CSNK1G2: variants seen among roughly 807,000 people sequenced by gnomAD.
The protein encoded by CSNK1G2 is casein kinase I isoform gamma-2.
A neutral mutation model predicts 48.0 loss-of-function variants in CSNK1G2; 11 were observed. The observed-to-expected ratio is 0.23, with a 90% CI of 0.14 to 0.38. The LOEUF is 0.38. Ranked by LOEUF, CSNK1G2 falls within the 10% of genes least tolerant of loss-of-function variation. The pLI is 1.00. For synonymous variants in CSNK1G2, 337 were observed against 254.1 expected (o/e 1.33, Z -3.10); for missense variants, 446 against 595.5 (o/e 0.75, Z 2.61).
chr19:1,965,805 T>TA (rs1196287389), intron 1 of CSNK1G2, among the ~76,000 whole-genome samples: 1 of 151,560 alleles, frequency 6.6e-6, no homozygotes, highest in Non-Finnish European at 1.5e-5. Context: ...GGCCAAGTCT[T>TA]AGTGTTTTTG....
chr19:1,965,183 C>G (rs1028027308), intron 1 of CSNK1G2, among the ~76,000 whole-genome samples: 2 of 149,938 alleles, frequency 1.3e-5, no homozygotes, highest in Non-Finnish European at 3.0e-5. Context: ...ATCACGAGGT[C>G]AGGAGATCGA....
chr19:1,954,941 G>A (rs770877211), intron 1 of CSNK1G2, among the ~76,000 whole-genome samples: 12 of 152,106 alleles, frequency 7.9e-5, no homozygotes, highest in East Asian at 1.9e-4. Flanking sequence ...GTTGCTTTTC[G>A]CTGTGGCCCT....
chr19:1,951,629 C>T (rs993858099), intron 1 of CSNK1G2, among the ~76,000 whole-genome samples: 1 of 144,486 alleles, frequency 6.9e-6, no homozygotes, highest in African/African-American at 2.7e-5. Context: ...TCAGGATGTG[C>T]AGGCTGGGCG....
chr19:1,964,331 G>C (rs576444881), intron 1 of CSNK1G2, among the ~76,000 whole-genome samples: 98 of 151,830 alleles, frequency 6.5e-4, no homozygotes, highest in African/African-American at 2.2e-3. Flanking sequence ...AAGGTGAAAA[G>C]GATTAAGTGT....
chr19:1,952,163 A>G (rs551851896), intron 1 of CSNK1G2, among the ~76,000 whole-genome samples: 14 of 152,324 alleles, frequency 9.2e-5, no homozygotes, highest in African/African-American at 3.4e-4. Context: ...TGGTCACTGC[A>G]GGACAGCAAG....
At chr19:1,975,337 G>A (rs760034560) in intron 2 of CSNK1G2, 33 of 985,390 alleles carry the variant, frequency 3.3e-5, no homozygotes, top group Middle Eastern at 5.2e-4. Context: ...CTGGGGGAGC[G>A]CAGCTCAGTG....
In CSNK1G2 at chr19:1,980,271, C is replaced by T; in HGVS notation, c.*68C>T. 1 of 1,581,438 alleles carries T rather than the reference C, an allele frequency of 6.3e-7. No homozygotes were observed. ...CTTGGGGCGCGACCTTGTGCGAGGC[C>T]CTCGGGGCCCACCCACAGCGGCCCA... is the stretch of plus-strand genomic sequence containing the variant. On this transcript the variant is annotated 3_prime_UTR_variant, in exon 12 of 12. Coordinates refer to ENST00000255641, the MANE Select transcript of CSNK1G2 (RefSeq NM_001319.7).
chr19:1,951,747 C>A lies in CSNK1G2; in HGVS notation c.-266+10329C>A, dbSNP rs566580612. On this transcript the variant is annotated intron_variant, in intron 1 of 11. Transcript: ENST00000255641. ...CCAGGCTGGAGTGCAGTGGTGTGATCTCCGTTCACTGCACGCTCCGCCTCC... is the reference window on the plus strand; with the variant it reads ...CCAGGCTGGAGTGCAGTGGTGTGATATCCGTTCACTGCACGCTCCGCCTCC... Among the ~76,000 whole-genome samples the A allele has an allele frequency of 4.8e-5, 7 of 144,994 alleles. 1 individual carries two copies. The East Asian group carries it at 1.5e-3, about 32-fold the overall frequency.
rs2015979314 is a variant in CSNK1G2 at position 1,981,167 on chromosome 19, G to A, written c.*964G>A. 6.6e-6 allele frequency: 1 copy of A among 152,320 alleles called. No homozygotes were observed. The highest frequency in any genetic ancestry group is 6.5e-5 in the Admixed American group (1 of 15,292). The allele number at this position is 152,320 out of a possible 1,614,324, so 9.4% of individuals were successfully genotyped here. On this transcript the variant is annotated 3_prime_UTR_variant, in exon 12 of 12. Coordinates refer to ENST00000255641, the MANE Select transcript of CSNK1G2 (RefSeq NM_001319.7). ...GGCGGTTCCCCAGTGGGGTGCCCTG[G>A]AGGCTGCCGGGCAGAGTGGAGCAGC...
At chr19:1,974,419 C>G (rs965093068) in intron 2 of CSNK1G2, among the ~76,000 whole-genome samples, 1 of 152,190 alleles carries the variant, frequency 6.6e-6, no homozygotes, top group Non-Finnish European at 1.5e-5. Context: ...CTCAGATCCT[C>G]TCTCTAGGCC....
chr19:1,945,422 C>T lies in CSNK1G2; in HGVS notation c.-266+4004C>T, dbSNP rs140799740. Among the ~76,000 whole-genome samples, 258 of 152,350 alleles carry T rather than the reference C, an allele frequency of 1.7e-3. 1 individual carries two copies. The highest frequency in any genetic ancestry group is 2.6e-3 in the Non-Finnish European group (174 of 68,024). On this transcript the variant is annotated intron_variant, in intron 1 of 11. Transcript: ENST00000255641. ...GGAATCGGGGCAGCCCCCTGCCAGCCCTGCCCAGGGATCCCTCCTGTCACC... is the reference window on the plus strand; with the variant it reads ...GGAATCGGGGCAGCCCCCTGCCAGCTCTGCCCAGGGATCCCTCCTGTCACC...
intron 1 of CSNK1G2, among the ~76,000 whole-genome samples, chr19:1,959,952 C>T (rs1356267302): frequency 2.0e-5 from 3 of 152,252 alleles, no homozygotes; most frequent in African/African-American, 7.2e-5. Flanking sequence ...CCCACAACCC[C>T]GTTTGGGTTC....
rs751538407 is a variant in CSNK1G2 at position 1,979,147 on chromosome 19, G to T, written c.683-16G>T. The T allele has an allele frequency of 6.5e-6, 10 of 1,535,008 alleles. No individual in the cohort carries two copies. In the East Asian group the frequency reaches 2.4e-4, roughly 36 times the overall value. On this transcript the variant is annotated splice_polypyrimidine_tract_variant and intron_variant, in intron 6 of 11. Transcript: ENST00000255641. ...GGCGCCCGGACCCCGCTGAGGCTGC[G>T]CCCCTGTCCCCGCAGAGCAGAGCCG...
intron 1 of CSNK1G2, among the ~76,000 whole-genome samples, chr19:1,963,671 C>T (rs193045930): frequency 1.2e-3 from 179 of 151,842 alleles, no homozygotes; most frequent in Non-Finnish European, 2.1e-3. Context: ...CCACACCTAG[C>T]TAATTTTTGT....
In CSNK1G2 at chr19:1,951,714, T is replaced by G. The variant is rs181359382; in HGVS notation, c.-266+10296T>G. Among the ~76,000 whole-genome samples, 171 of 144,404 alleles carry G rather than the reference T, an allele frequency of 1.2e-3. 22 individuals are homozygous for G. The highest frequency in any genetic ancestry group is 4.4e-3 in the African/African-American group (166 of 37,388). 94.7% of individuals were successfully genotyped at this position (144,404 alleles called of 152,430 possible). On this transcript the variant is annotated intron_variant, in intron 1 of 11. Coordinates refer to ENST00000255641, the MANE Select transcript of CSNK1G2 (RefSeq NM_001319.7). ...TTTTTTTTTGGAGACAGAGTCTCAC[T>G]GTGTCGCCCAGGCTGGAGTGCAGTG... is the stretch of plus-strand genomic sequence containing the variant.
At position 1,978,450 on chromosome 19, in the gene CSNK1G2, C is replaced by G; in HGVS notation, c.237C>G (p.Ile79Met). Reference sequence around the variant, plus strand: ...CGCTCTTGTGCCCCCAGGAGCCGATCAAGTCCCGGGCCCCGCAGCTGCACC... The same window carrying G: ...CGCTCTTGTGCCCCCAGGAGCCGATGAAGTCCCGGGCCCCGCAGCTGCACC... ...NEYVAIKLEP[I>M]KSRAPQLHLE... Residue 79 changes from isoleucine (I) to methionine (M), a missense_variant, in exon 4 of 12, where the codon ATC (isoleucine) becomes ATG (methionine). By Grantham distance (10) the Ile-to-Met change is conservative. This residue lies in a region of CSNK1G2 where 258 missense variants were observed against 415.9 expected (regional missense o/e 0.62). Transcript: ENST00000255641. The surrounding 1 kb of genome is among the most constrained non-coding windows in gnomAD (Gnocchi z 7.3). The G allele has an allele frequency of 6.2e-7, 1 of 1,609,440 alleles. No individual in the cohort carries two copies. The highest frequency in any genetic ancestry group is 1.1e-5 in the South Asian group (1 of 90,746).
chr19:1,976,758 A>G (rs1251303745), intron 2 of CSNK1G2, among the ~76,000 whole-genome samples: 1 of 141,006 alleles, frequency 7.1e-6, no homozygotes, highest in Non-Finnish European at 1.5e-5. Context: ...TTTTTTTTTG[A>G]GACAGAGTTT....
At chr19:1,945,955 G>T (rs915588123) in intron 1 of CSNK1G2, among the ~76,000 whole-genome samples, 1 of 152,222 alleles carries the variant, frequency 6.6e-6, no homozygotes, top group Non-Finnish European at 1.5e-5. Flanking sequence ...GTGCCAAGTG[G>T]GGCAGGCAGC....
chr19:1,962,727 G>A (rs79089886), intron 1 of CSNK1G2, among the ~76,000 whole-genome samples: 3,682 of 152,052 alleles, frequency 0.024, 149 homozygotes, highest in African/African-American at 0.085. Flanking sequence ...CCCCGGGAGC[G>A]GCAGGTGGAG....
Sources: allele counts gnomAD v4.1 joint callset (sites outside exome capture counted in the v4.1 genomes callset), GRCh38; gene constraint gnomAD v4.1.1; regional missense constraint gnomAD v4.1.1; non-coding constraint Gnocchi (gnomAD v3.1); transcripts MANE v1.5; gene names NCBI Gene and HGNC (gene_info 2026-07-23, HGNC 2026-07-21).